The following GAREM1 variants were observed in gnomAD, a reference collection of about 807,000 sequenced individuals.
GAREM1 encodes GRB2 associated regulator of MAPK1 subtype 1, also known as GRB2-associated and regulator of MAPK protein 1.
GAREM1 carries 26 observed loss-of-function variants against 71.3 expected under a neutral mutation model. The ratio of observed to expected loss-of-function variants is 0.36; its 90% CI spans 0.27 to 0.51. The LOEUF is 0.51. Among genes scored for constraint, GAREM1 ranks in the 20% least tolerant of loss-of-function variants. GAREM1 has a pLI of 0.95. For synonymous variants in GAREM1, 440 were observed against 433.2 expected (o/e 1.02, Z -0.20); for missense variants, 1,026 against 1,103.1 (o/e 0.93, Z 0.99).
chr18:32,446,513 T>C (rs2048787753), intron 1 of GAREM1, among the ~76,000 whole-genome samples: 1 of 152,172 alleles, frequency 6.6e-6, no homozygotes. Flanking sequence ...ACCAGGATGC[T>C]GGGATTCTCC....
At chr18:32,455,972 GA>G (rs953180119) in intron 1 of GAREM1, among the ~76,000 whole-genome samples, 3 of 150,736 alleles carry the variant, frequency 2.0e-5, no homozygotes, top group Non-Finnish European at 3.0e-5. Flanking sequence ...CAGCCTGGAA[GA>G]AAAAAAAATC....
intron 2 of GAREM1, among the ~76,000 whole-genome samples, chr18:32,391,888 C>T (rs1041110681): frequency 6.6e-6 from 1 of 152,130 alleles, no homozygotes; most frequent in African/African-American, 2.4e-5. Flanking sequence ...TGGGTCGTAT[C>T]AGCATTTGAA....
At chr18:32,452,762 TC>T (rs1341008198) in intron 1 of GAREM1, among the ~76,000 whole-genome samples, 1 of 151,984 alleles carries the variant, frequency 6.6e-6, no homozygotes, top group Non-Finnish European at 1.5e-5. Flanking sequence ...CATACCATAC[TC>T]CCACTTACCC....
At chr18:32,296,920 T>G (rs2144491641) in intron 3 of GAREM1, among the ~76,000 whole-genome samples, 1 of 152,300 alleles carries the variant, frequency 6.6e-6, no homozygotes, top group Middle Eastern at 3.4e-3. Flanking sequence ...GGTTTATCCC[T>G]AAGGCTTTTA....
At position 32,379,505 on chromosome 18, in the gene GAREM1, G is replaced by A. The variant is rs563391047; in HGVS notation, c.262+13390C>T. On this transcript the variant is annotated intron_variant, in intron 2 of 5. Transcript: ENST00000269209. Reference sequence around the variant, plus strand: ...GTGGATCATGAGGTCAGGAGTTCAAGACCAGCCTGACCAATGTGGTGAAAT... The same window carrying A: ...GTGGATCATGAGGTCAGGAGTTCAAAACCAGCCTGACCAATGTGGTGAAAT... Among the ~76,000 whole-genome samples, 177 of 150,016 alleles carry A rather than the reference G, an allele frequency of 1.2e-3. 3 individuals carry two copies. The highest frequency in any genetic ancestry group is 4.1e-3 in the African/African-American group (169 of 40,996).
At chr18:32,341,558 T>C (rs992243253) in intron 2 of GAREM1, among the ~76,000 whole-genome samples, 1 of 152,232 alleles carries the variant, frequency 6.6e-6, no homozygotes, top group Admixed American at 6.5e-5. Context: ...CATCACACTA[T>C]CTTCCACAAT....
chr18:32,394,394 C>T (rs1290738715), intron 1 of GAREM1, among the ~76,000 whole-genome samples: 1 of 151,884 alleles, frequency 6.6e-6, no homozygotes, highest in Non-Finnish European at 1.5e-5. Flanking sequence ...GGAGCGAGAC[C>T]TTATCTCAAA....
intron 1 of GAREM1, among the ~76,000 whole-genome samples, chr18:32,397,241 C>CA (rs2048266344): frequency 6.6e-6 from 1 of 152,174 alleles, no homozygotes; most frequent in South Asian, 2.1e-4. Flanking sequence ...GAAACTGCAT[C>CA]AACTAACGAG....
At chr18:32,319,079 T>TAAATA (rs1335848510) in intron 2 of GAREM1, among the ~76,000 whole-genome samples, 1 of 152,218 alleles carries the variant, frequency 6.6e-6, no homozygotes, top group Admixed American at 6.5e-5. Flanking sequence ...AGGTGCTTAC[T>TAAATA]AAATAGTGAA....
chr18:32,437,294 T>C (rs1472875175), intron 1 of GAREM1, among the ~76,000 whole-genome samples: 2 of 152,144 alleles, frequency 1.3e-5, no homozygotes, highest in African/African-American at 2.4e-5. Context: ...CTCTTTGCCA[T>C]AGGAAGGGGA....
Position 32,470,477 on chromosome 18 carries a change from C to T in GAREM1, c.-49G>A, listed in dbSNP as rs1486182353. ...CGCTCCCCCGCCGCCGCCACCGGCACCACCCGCGCCTCGGCGGCCGCCGCT... is the reference window on the plus strand; with the variant it reads ...CGCTCCCCCGCCGCCGCCACCGGCATCACCCGCGCCTCGGCGGCCGCCGCT... On this transcript the variant is annotated 5_prime_UTR_variant, in exon 1 of 6. The change creates a new upstream start codon in the 5' untranslated region. Coordinates refer to ENST00000269209, the MANE Select transcript of GAREM1 (RefSeq NM_001242409.2). This position sits in a 1 kb window ranked among gnomAD's most constrained non-coding sequence, Gnocchi z 4.4. 2 of 1,226,318 alleles carry T rather than the reference C, an allele frequency of 1.6e-6. No individual in the cohort carries two copies. Among genetic ancestry groups the T allele is most frequent in the Non-Finnish European group, 2.1e-6 (2 of 974,498 alleles). 76.0% of individuals were successfully genotyped at this position (1,226,318 alleles called of 1,614,324 possible). A position where few individuals can be genotyped will look rare whatever the true frequency, so the allele number is the denominator to read the frequency against.
chr18:32,420,367 A>G (rs1338462114), intron 1 of GAREM1, among the ~76,000 whole-genome samples: 1 of 143,922 alleles, frequency 6.9e-6, no homozygotes, highest in Non-Finnish European at 1.5e-5. Flanking sequence ...AAAAATAGGA[A>G]AAAAAAAAAC....
In GAREM1 at chr18:32,340,278, C is replaced by G. The variant is rs150037720; in HGVS notation, c.263-29955G>C. On this transcript the variant is annotated intron_variant, in intron 2 of 5. Coordinates refer to ENST00000269209, the MANE Select transcript of GAREM1 (RefSeq NM_001242409.2). ...CAAGTGATGGGTGTCAGTTATTAAA[C>G]AATCACTCAAAGAAGTATGTAATTA... Among the ~76,000 whole-genome samples the G allele has an allele frequency of 2.9e-3, 436 of 152,288 alleles. 3 individuals carry two copies. The highest frequency in any genetic ancestry group is 0.01 in the African/African-American group (423 of 41,556).
intron 3 of GAREM1, among the ~76,000 whole-genome samples, chr18:32,294,503 G>T (rs962609212): frequency 2.0e-5 from 3 of 152,164 alleles, no homozygotes; most frequent in African/African-American, 7.2e-5. Flanking sequence ...GGTTTGTAAT[G>T]ATAACTTTAT....
intron 1 of GAREM1, among the ~76,000 whole-genome samples, chr18:32,460,234 T>G (rs1599064704): frequency 6.6e-6 from 1 of 151,946 alleles, no homozygotes; most frequent in Non-Finnish European, 1.5e-5. Flanking sequence ...TAAGCACTGC[T>G]CATAGAGGGT....
chr18:32,371,381 G>A (rs1245148975), intron 2 of GAREM1, among the ~76,000 whole-genome samples: 3 of 152,146 alleles, frequency 2.0e-5, no homozygotes, highest in African/African-American at 7.2e-5. Context: ...TCTAATTTTA[G>A]GGGAACAAAA....
At chr18:32,270,498 A>G in intron 4 of GAREM1, 115 bp from the exon 5 acceptor site, 1 of 805,464 alleles carries the variant, frequency 1.2e-6, no homozygotes, top group Non-Finnish European at 1.9e-6. Context: ...GCAGGGTGTA[A>G]GCATGGCAGA....
At chr18:32,404,912 G>A (rs896643919) in intron 1 of GAREM1, among the ~76,000 whole-genome samples, 4 of 151,936 alleles carry the variant, frequency 2.6e-5, no homozygotes, top group African/African-American at 7.3e-5. Flanking sequence ...TATCTGTCAC[G>A]GACATAAACT....
chr18:32,454,732 T>C (rs1325813419), intron 1 of GAREM1, among the ~76,000 whole-genome samples: 2 of 152,212 alleles, frequency 1.3e-5, no homozygotes, highest in East Asian at 1.9e-4. Flanking sequence ...AATCATCACT[T>C]CTTTCCTTGC....
Sources: gnomAD v4.1 joint callset for allele counts (sites outside exome capture counted in the v4.1 genomes callset) on GRCh38, gnomAD v4.1.1 for gene constraint, Gnocchi (gnomAD v3.1) non-coding constraint, MANE v1.5 for transcripts, NCBI Gene and HGNC (gene_info 2026-07-23, HGNC 2026-07-21) for gene names.